ZFHX2: variants seen among roughly 807,000 people sequenced by gnomAD.
The protein encoded by ZFHX2 is zinc finger homeobox 2.
ZFHX2 carries 75 observed loss-of-function variants against 164.8 expected under a neutral mutation model. The observed-to-expected ratio is 0.46, with a 90% CI of 0.38 to 0.55. ZFHX2 has a LOEUF of 0.55. ZFHX2 is among the 20% of genes least tolerant of loss of function. ZFHX2 has a pLI of 0.00. For synonymous variants in ZFHX2, 1,217 were observed against 1,351.4 expected, an observed-to-expected ratio of 0.90 and a Z score of 2.18; for missense variants, 2,933 against 3,308.0, an observed-to-expected ratio of 0.89 and a Z score of 2.78.
Position 23,531,638 on chromosome 14 carries a change from G to C in ZFHX2, c.2643C>G (p.Ser881=). 6.6e-7 allele frequency: 1 copy of C among 1,519,118 alleles called. No homozygotes were observed. Among genetic ancestry groups the C allele is most frequent in the Non-Finnish European group, 8.8e-7 (1 of 1,136,396 alleles). 94.1% of individuals were successfully genotyped at this position (1,519,118 alleles called of 1,614,324 possible). ...GCAGGTGTTGCAGCACAGCCAAGCG[G>C]GAGGGTGTCTCCCACGCACACAACA... ...HCLLCAWETP[S]RLAVLQHLRT... The change falls in exon 4 of 10, where the codon TCC becomes TCG. Residue 881 remains serine (S), a synonymous_variant. Transcript: ENST00000419474.
In ZFHX2 at chr14:23,527,704, G is replaced by A. The variant is rs1481851663; in HGVS notation, c.3035C>T (p.Pro1012Leu). Reference sequence around the variant, plus strand: ...GCCCACCAGCTGTTCCTGGCACAGTGGGCATCTGTACTTGGGCTGCACTGC... The same window carrying A: ...GCCCACCAGCTGTTCCTGGCACAGTAGGCATCTGTACTTGGGCTGCACTGC... ...QHAVQPKYRC[P>L]LCQEQLVGRP... The change falls in exon 7 of 10, where the codon CCA becomes CTA. Residue 1012 changes from proline to leucine, a missense_variant. By Grantham distance (98) the Pro-to-Leu change is moderately conservative. Coordinates refer to ENST00000419474, the MANE Select transcript of ZFHX2 (RefSeq NM_033400.3). 2.0e-6 allele frequency: 3 copies of A among 1,536,102 alleles called. No homozygotes were observed. The highest frequency in any genetic ancestry group is 2.6e-6 in the Non-Finnish European group (3 of 1,146,928).
rs1878003851 is a variant in ZFHX2, at chr14:23,521,622, AG to A, written c.*339del. 4.1e-6 allele frequency: 1 copy of A among 242,008 alleles called. No homozygotes were observed. Among genetic ancestry groups the A allele is most frequent in the African/African-American group, 2.3e-5 (1 of 43,970 alleles). 15.0% of individuals were successfully genotyped at this position (242,008 alleles called of 1,614,324 possible). A position where few individuals can be genotyped will look rare whatever the true frequency, so the allele number is the denominator to read the frequency against. ...GGGAGCTGGGAATTCAGTGAGGAAA[AG>A]GAAGATAGAACCAAGGATATATTTT... On this transcript the variant is annotated 3_prime_UTR_variant, in exon 10 of 10. Transcript: ENST00000419474.
intron 5 of ZFHX2, 136 bp from the exon 6 acceptor site, chr14:23,529,904 G>T: frequency 2.0e-6 from 2 of 1,009,368 alleles, no homozygotes; most frequent in Non-Finnish European, 2.9e-6. Flanking sequence ...CTTGGCAAGG[G>T]CTGACTCCGG....
intron 5 of ZFHX2, 51 bp downstream of exon 5, chr14:23,530,069 G>A (rs1004520297): frequency 2.4e-5 from 35 of 1,460,942 alleles, no homozygotes; most frequent in South Asian, 6.0e-5. Context: ...GCAAGGTCCC[G>A]TGAGCGTCTC....
chr14:23,522,041 A>G lies in ZFHX2; in HGVS notation c.7640T>C (p.Phe2547Ser). ...AGGTAATCTTGCTTCCTCTTTGGCA[A>G]AAGCCACAGCAGCCGAGGCAGCAGT... ...AATAASAAVAFAKEEARLPHT... is the reference protein window; with the variant it reads ...AATAASAAVASAKEEARLPHT... Residue 2547 changes from phenylalanine (F) to serine (S), a missense_variant, in exon 10 of 10, where the codon TTT (phenylalanine) becomes TCT (serine). Transcript: ENST00000419474. The G allele has an allele frequency of 6.5e-7, 1 of 1,536,396 alleles. No homozygotes were observed.
At position 23,533,484 on chromosome 14, in the gene ZFHX2, C is replaced by G; in HGVS notation, c.1842G>C (p.Gly614=). Residue 614 remains glycine (G), a synonymous_variant, in exon 2 of 10, where the codon GGG becomes GGC. Coordinates refer to ENST00000419474, the MANE Select transcript of ZFHX2 (RefSeq NM_033400.3). The surrounding 1 kb of genome is among the most constrained non-coding windows in gnomAD (Gnocchi z 4.8). The part of the protein sequence containing the change: ...LPLGLPPGLM[G]PGPPPPPGAT... ...CCCCTGGTGGGGGAGGAGGGCCTGG[C>G]CCCATCAATCCAGGTGGCAGGCCCA... 1 of 1,535,952 alleles carries G rather than the reference C, an allele frequency of 6.5e-7. No individual in the cohort carries two copies. Among genetic ancestry groups the G allele is most frequent in the Non-Finnish European group, 8.7e-7 (1 of 1,146,818 alleles).
chr14:23,552,218 C>A (rs554875620), upstream of ZFHX2, among the ~76,000 whole-genome samples: 2 of 152,064 alleles, frequency 1.3e-5, no homozygotes, highest in Non-Finnish European at 2.9e-5. Flanking sequence ...TTACATAGTC[C>A]CCTGAGCTGG....
intron 4 of ZFHX2, chr14:23,531,216 G>A (rs996972514): frequency 1.1e-5 from 4 of 358,754 alleles, no homozygotes; most frequent in African/African-American, 6.3e-5. Context: ...CAGAATCACT[G>A]GGTGGTTCCT....
chr14:23,532,641 C>G lies in ZFHX2; in HGVS notation c.2485G>C (p.Glu829Gln). ...TGCATCTTCTCCTTGCTGTTGGACT[C>G]AAAGTCACAGATGTTGCAGCGCAGG... Reference protein sequence around the residue: ...LHLRCNICDFESNSKEKMQLH... With the variant: ...LHLRCNICDFQSNSKEKMQLH... Residue 829 changes from glutamate to glutamine, a missense_variant, in exon 3 of 10, where the codon GAG becomes CAG. Glu to Gln is a conservative substitution (Grantham distance 29). Coordinates refer to ENST00000419474, the MANE Select transcript of ZFHX2 (RefSeq NM_033400.3). 1 of 1,472,444 alleles carries G rather than the reference C, an allele frequency of 6.8e-7. No homozygotes were observed. Among genetic ancestry groups the G allele is most frequent in the Non-Finnish European group, 9.0e-7 (1 of 1,113,876 alleles). 91.2% of individuals were successfully genotyped at this position (1,472,444 alleles called of 1,614,324 possible). A position where few individuals can be genotyped will look rare whatever the true frequency, so the allele number is the denominator to read the frequency against.
Position 23,533,861 on chromosome 14 carries a change from C to T in ZFHX2, c.1465G>A (p.Gly489Arg), listed in dbSNP as rs1275608216. Residue 489 changes from glycine (G) to arginine (R), a missense_variant, in exon 2 of 10, where the codon GGG becomes AGG. Transcript: ENST00000419474. The surrounding 1 kb of genome is among the most constrained non-coding windows in gnomAD (Gnocchi z 4.8). Reference protein sequence around the residue: ...SNSHCSYCSAGGAHPRLARGE... With the variant: ...SNSHCSYCSARGAHPRLARGE... Reference sequence around the variant, plus strand: ...CGAGCAAGGCGGGGGTGGGCGCCCCCAGCACTGCAGTAGCTGCAGTGACTG... The same window carrying T: ...CGAGCAAGGCGGGGGTGGGCGCCCCTAGCACTGCAGTAGCTGCAGTGACTG... The T allele has an allele frequency of 6.5e-7, 1 of 1,538,478 alleles. No homozygotes were observed. The highest frequency in any genetic ancestry group is 8.7e-7 in the Non-Finnish European group (1 of 1,147,616).
chr14:23,550,782 T>A (rs1881866292), intron 1 of ZFHX2, among the ~76,000 whole-genome samples: 1 of 152,072 alleles, frequency 6.6e-6, no homozygotes, highest in Non-Finnish European at 1.5e-5. Flanking sequence ...AAAGCCCAAC[T>A]TCAGCCAAAA....
intron 6 of ZFHX2, chr14:23,529,506 C>T: frequency 1.7e-6 from 1 of 579,122 alleles, no homozygotes; most frequent in Admixed American, 3.0e-5. Flanking sequence ...CTATCATCTC[C>T]CTCTGTGCTT....
In ZFHX2 at chr14:23,528,955, C is replaced by T. The variant is rs146994148; in HGVS notation, c.2934+755G>A. ...ATGCTCATCTTAACGCACCTAGCCCCTGGAGCAGACATCTGGAAGAGGTCT... is the reference window on the plus strand; with the variant it reads ...ATGCTCATCTTAACGCACCTAGCCCTTGGAGCAGACATCTGGAAGAGGTCT... On this transcript the variant is annotated intron_variant, in intron 6 of 9. Coordinates refer to ENST00000419474, the MANE Select transcript of ZFHX2 (RefSeq NM_033400.3). 7.3e-3 allele frequency: 3,656 copies of T among 497,542 alleles called. 16 individuals are homozygous for T. The highest frequency in any genetic ancestry group is 8.6e-3 in the Non-Finnish European group (3,291 of 383,796). 30.8% of individuals were successfully genotyped at this position (497,542 alleles called of 1,614,324 possible).
chr14:23,553,240 C>T (rs966651331), upstream of ZFHX2, among the ~76,000 whole-genome samples: 1 of 152,208 alleles, frequency 6.6e-6, no homozygotes, highest in Non-Finnish European at 1.5e-5. Flanking sequence ...TGAGTTTATA[C>T]TATGTGACAG....
At position 23,535,223 on chromosome 14, in the gene ZFHX2, C is replaced by T; in HGVS notation, c.103G>A (p.Asp35Asn). ...GCAGGGGGATCTTTGGTGACAGGAT[C>T]AGAGGGGGTGCTGGAGGAGAAGGTG... ...SDTFSSSTPS[D>N]PVTKDPPAAS... Residue 35 changes from aspartate to asparagine, a missense_variant, in exon 2 of 10, where the codon GAT becomes AAT. Asp to Asn is a conservative substitution (Grantham distance 23). Coordinates refer to ENST00000419474, the MANE Select transcript of ZFHX2 (RefSeq NM_033400.3). The surrounding 1 kb of genome is among the most constrained non-coding windows in gnomAD (Gnocchi z 4.5). 1 of 1,525,348 alleles carries T rather than the reference C, an allele frequency of 6.6e-7. No homozygotes were observed. Among genetic ancestry groups the T allele is most frequent in the Non-Finnish European group, 8.8e-7 (1 of 1,138,312 alleles). 94.5% of individuals were successfully genotyped at this position (1,525,348 alleles called of 1,614,324 possible).
upstream of ZFHX2, among the ~76,000 whole-genome samples, chr14:23,553,727 T>A (rs1882140144): frequency 6.6e-6 from 1 of 151,174 alleles, no homozygotes; most frequent in Non-Finnish European, 1.5e-5. Flanking sequence ...ACCCCATCTC[T>A]ACTAAAATTA....
In ZFHX2 at chr14:23,524,541, G is replaced by C; in HGVS notation, c.5401C>G (p.Pro1801Ala). Reference sequence around the variant, plus strand: ...AAGGGCAGATCTAGGAGTTGGGGGGGAGCACTGGGCTGCAGAGATGGCAGG... The same window carrying C: ...AAGGGCAGATCTAGGAGTTGGGGGGCAGCACTGGGCTGCAGAGATGGCAGG... ...HFLPSLQPSA[P>A]PQLLDLPLLV... The change falls in exon 9 of 10, where the codon CCC becomes GCC. Residue 1801 changes from proline (P) to alanine (A), a missense_variant. Coordinates refer to ENST00000419474, the MANE Select transcript of ZFHX2 (RefSeq NM_033400.3). The surrounding 1 kb of genome is among the most constrained non-coding windows in gnomAD (Gnocchi z 5.6). 6.5e-7 allele frequency: 1 copy of C among 1,527,714 alleles called. No homozygotes were observed. The highest frequency in any genetic ancestry group is 8.8e-7 in the Non-Finnish European group (1 of 1,142,238). 94.6% of individuals were successfully genotyped at this position (1,527,714 alleles called of 1,614,324 possible). A position where few individuals can be genotyped will look rare whatever the true frequency, so the allele number is the denominator to read the frequency against.
In ZFHX2 at chr14:23,527,585, T is replaced by A; in HGVS notation, c.3135+19A>T. The A allele has an allele frequency of 6.5e-7, 1 of 1,536,332 alleles. No homozygotes were observed. Among genetic ancestry groups the A allele is most frequent in the Non-Finnish European group, 8.7e-7 (1 of 1,146,898 alleles). ...CTAATAAGGTCTTGTTGTACCGTCCTCACCCAGCCTGTACTCACTACAAGC... is the reference window on the plus strand; with the variant it reads ...CTAATAAGGTCTTGTTGTACCGTCCACACCCAGCCTGTACTCACTACAAGC... On this transcript the variant is annotated intron_variant, in intron 7 of 9. Transcript: ENST00000419474.
Position 23,525,276 on chromosome 14 carries a change from C to G in ZFHX2, c.4666G>C (p.Glu1556Gln). The G allele has an allele frequency of 6.5e-7, 1 of 1,536,124 alleles. No homozygotes were observed. The highest frequency in any genetic ancestry group is 8.7e-7 in the Non-Finnish European group (1 of 1,146,906). Reference sequence around the variant, plus strand: ...GCACGGGTCCCCCCTGCCTCAGGCTCTGGGACCAGGAAGGGTGGGCCCAGA... The same window carrying G: ...GCACGGGTCCCCCCTGCCTCAGGCTGTGGGACCAGGAAGGGTGGGCCCAGA... Reference protein sequence around the residue: ...PHLGPPFLVPEPEAGGTRAPE... With the variant: ...PHLGPPFLVPQPEAGGTRAPE... The change falls in exon 9 of 10, where the codon GAG becomes CAG. Residue 1556 changes from glutamate to glutamine, a missense_variant. Glu to Gln is a conservative substitution (Grantham distance 29). Transcript: ENST00000419474. This position sits in a 1 kb window ranked among gnomAD's most constrained non-coding sequence, Gnocchi z 5.9.
Sources: allele counts gnomAD v4.1 joint callset (sites outside exome capture counted in the v4.1 genomes callset), GRCh38; gene constraint gnomAD v4.1.1; non-coding constraint Gnocchi (gnomAD v3.1); transcripts MANE v1.5; gene names NCBI Gene and HGNC (gene_info 2026-07-23, HGNC 2026-07-21).